Variants in GNG12 observed in about 807,000 individuals in gnomAD.
GNG12 encodes G protein subunit gamma 12.
For missense variants in GNG12, 69 were observed against 83.8 expected (o/e 0.82, Z 0.69); for synonymous variants, 28 against 29.7 (o/e 0.94, Z 0.19).
Position 67,705,250 on chromosome 1 carries a change from G to C in GNG12, c.*201C>G. 4.6e-6 allele frequency: 3 copies of C among 657,310 alleles called. No homozygotes were observed. The highest frequency in any genetic ancestry group is 6.6e-6 in the Non-Finnish European group (3 of 454,062). 40.7% of individuals were successfully genotyped at this position (657,310 alleles called of 1,614,324 possible). ...TAGTTACCAAGTGGAAAATAAGATT[G>C]TTATTCTGTATTAAATCAGTAAAGG... On this transcript the variant is annotated 3_prime_UTR_variant, in exon 4 of 4. Coordinates refer to ENST00000370982, the MANE Select transcript of GNG12 (RefSeq NM_018841.6).
chr1:67,795,784 A>G (rs1442847620), intron 1 of GNG12, among the ~76,000 whole-genome samples: 1 of 152,228 alleles, frequency 6.6e-6, no homozygotes, highest in African/African-American at 2.4e-5. Context: ...TGCCATTACA[A>G]GAAAAAGGAT....
intron 2 of GNG12, among the ~76,000 whole-genome samples, chr1:67,742,258 GT>G (rs1401627215): frequency 1.3e-5 from 2 of 152,120 alleles, no homozygotes; most frequent in African/African-American, 2.4e-5. Context: ...ATCAAGAAAT[GT>G]TTTATTCTCA....
intron 1 of GNG12, among the ~76,000 whole-genome samples, chr1:67,787,160 T>G (rs1646775930): frequency 6.6e-6 from 1 of 151,500 alleles, no homozygotes; most frequent in Non-Finnish European, 1.5e-5. Context: ...CTAATCGCAG[T>G]AAGTACAACT....
intron 2 of GNG12, among the ~76,000 whole-genome samples, chr1:67,713,613 T>C (rs973356191): frequency 2.0e-5 from 3 of 152,094 alleles, no homozygotes; most frequent in African/African-American, 7.2e-5. Flanking sequence ...GAAGCCAACT[T>C]TCATGAGCAA....
At chr1:67,763,420 G>A (rs1212205336) in intron 2 of GNG12, among the ~76,000 whole-genome samples, 17 of 152,088 alleles carry the variant, frequency 1.1e-4, no homozygotes, top group Non-Finnish European at 2.5e-4. Context: ...TTAAGAGTAA[G>A]TGCTGGTTAT....
At chr1:67,746,931 T>C (rs1324512964) in intron 2 of GNG12, among the ~76,000 whole-genome samples, 1 of 150,750 alleles carries the variant, frequency 6.6e-6, no homozygotes, top group Non-Finnish European at 1.5e-5. Flanking sequence ...ACTTTAAAAG[T>C]GTGTGTTTTT....
intron 2 of GNG12, among the ~76,000 whole-genome samples, chr1:67,775,615 C>T (rs1237521397): frequency 1.3e-5 from 2 of 152,184 alleles, no homozygotes; most frequent in African/African-American, 4.8e-5. Flanking sequence ...TACCCTCAGC[C>T]CTGTGCTAAG....
intron 1 of GNG12, among the ~76,000 whole-genome samples, chr1:67,828,754 G>C (rs1647025864): frequency 6.6e-6 from 1 of 152,194 alleles, no homozygotes; most frequent in South Asian, 2.1e-4. Flanking sequence ...AAGGTTGGTG[G>C]ACTAGGTCTA....
intron 2 of GNG12, among the ~76,000 whole-genome samples, chr1:67,734,589 G>T (rs1646441316): frequency 6.6e-6 from 1 of 152,126 alleles, no homozygotes. Context: ...GTACTCTCTG[G>T]CTCCAAAGCC....
At chr1:67,810,974 G>A (rs766255509) in intron 1 of GNG12, among the ~76,000 whole-genome samples, 2 of 152,194 alleles carry the variant, frequency 1.3e-5, no homozygotes, top group Non-Finnish European at 2.9e-5. Flanking sequence ...TCAGTGGTTC[G>A]ACCCCCTGGA....
intron 2 of GNG12, among the ~76,000 whole-genome samples, chr1:67,720,566 A>G (rs943715451): frequency 1.3e-5 from 2 of 152,232 alleles, no homozygotes; most frequent in Non-Finnish European, 2.9e-5. Context: ...TTAATATTGA[A>G]AACAAAAGCT....
chr1:67,786,618 G>A lies in GNG12; in HGVS notation c.-76-9111C>T, dbSNP rs552409045. Reference sequence around the variant, plus strand: ...TGGAAGGTGGTAGAGACAAAACAGAGAACAAAATTTAGTCCCTCTCTGGGC... The same window carrying A: ...TGGAAGGTGGTAGAGACAAAACAGAAAACAAAATTTAGTCCCTCTCTGGGC... On this transcript the variant is annotated intron_variant, in intron 1 of 3. Coordinates refer to ENST00000370982, the MANE Select transcript of GNG12 (RefSeq NM_018841.6). Among the ~76,000 whole-genome samples, 174 of 152,176 alleles carry A rather than the reference G, an allele frequency of 1.1e-3. 5 individuals carry two copies. The highest frequency in any genetic ancestry group is 1.0e-3 in the Non-Finnish European group (70 of 67,992).
intron 2 of GNG12, among the ~76,000 whole-genome samples, chr1:67,756,447 C>T (rs182111330): frequency 9.8e-5 from 15 of 152,286 alleles, no homozygotes; most frequent in Admixed American, 9.8e-4. Context: ...AGGTTAATGA[C>T]AAATAATGTC....
chr1:67,795,209 A>C (rs565492305), intron 1 of GNG12, among the ~76,000 whole-genome samples: 1 of 152,276 alleles, frequency 6.6e-6, no homozygotes, highest in South Asian at 2.1e-4. Context: ...AATATCCTGC[A>C]ATTTTGACGG....
At chr1:67,729,228 C>G (rs114234256) in intron 2 of GNG12, among the ~76,000 whole-genome samples, 1,839 of 152,272 alleles carry the variant, frequency 0.012, 33 homozygotes, top group African/African-American at 0.043. Flanking sequence ...TCCTCTCATC[C>G]ACCTCCAAGG....
At chr1:67,783,086 TA>T (rs917596958) in intron 1 of GNG12, among the ~76,000 whole-genome samples, 11 of 152,108 alleles carry the variant, frequency 7.2e-5, no homozygotes, top group African/African-American at 2.7e-4. Flanking sequence ...GCTGTAAGGA[TA>T]AAAAAAGAAA....
rs1258093948 is a variant in GNG12, at chr1:67,787,378, T to C, written c.-76-9871A>G. On this transcript the variant is annotated intron_variant, in intron 1 of 3. Coordinates refer to ENST00000370982, the MANE Select transcript of GNG12 (RefSeq NM_018841.6). The stretch of plus-strand genomic sequence containing the variant: ...TAAGGATGCAAAGAGCTTGGTGCAC[T>C]GGGGCAAAGAGTTCTCTAGTGGAGT... Among the ~76,000 whole-genome samples, 3 of 152,036 alleles carry C rather than the reference T, an allele frequency of 2.0e-5. No homozygotes were observed. In the East Asian group the frequency reaches 5.8e-4, roughly 29 times the overall value.
chr1:67,766,106 G>GCA (rs59348663), intron 2 of GNG12, among the ~76,000 whole-genome samples: 5,456 of 139,742 alleles, frequency 0.039, 186 homozygotes, highest in African/African-American at 0.08. Context: ...AGGCACACAC[G>GCA]CACACACACA....
rs1196221431 is a variant in GNG12 at position 67,703,080 on chromosome 1, A to G, written c.*2371T>C. 1 of 152,196 alleles carries G rather than the reference A, an allele frequency of 6.6e-6. No individual in the cohort carries two copies. Among genetic ancestry groups the G allele is most frequent in the Middle Eastern group, 3.2e-3 (1 of 316 alleles). 9.4% of individuals were successfully genotyped at this position (152,196 alleles called of 1,614,324 possible). ...TATTTTCTCACATAGACGTCTAGTTATAAGTAAATCAACATTTAGCTACAA... is the reference window on the plus strand; with the variant it reads ...TATTTTCTCACATAGACGTCTAGTTGTAAGTAAATCAACATTTAGCTACAA... On this transcript the variant is annotated 3_prime_UTR_variant, in exon 4 of 4. Coordinates refer to ENST00000370982, the MANE Select transcript of GNG12 (RefSeq NM_018841.6).
Sources: gnomAD v4.1 joint callset for allele counts (sites outside exome capture counted in the v4.1 genomes callset) on GRCh38, gnomAD v4.1.1 for gene constraint, MANE v1.5 for transcripts, NCBI Gene and HGNC (gene_info 2026-07-23, HGNC 2026-07-21) for gene names.